ALK: variants seen among roughly 807,000 people sequenced by gnomAD.
The protein encoded by ALK is ALK receptor tyrosine kinase.
ALK carries 74 observed loss-of-function variants against 163.1 expected under a neutral mutation model. The ratio of observed to expected loss-of-function variants is 0.45; its 90% CI spans 0.38 to 0.55. ALK has a LOEUF of 0.55. Among genes scored for constraint, ALK ranks in the 20% least tolerant of loss-of-function variants. The probability of loss-of-function intolerance (pLI) is 0.00; values close to 1 mark genes in which losing one functional copy is unlikely to be tolerated. For synonymous variants in ALK, 960 were observed against 843.2 expected, an observed-to-expected ratio of 1.14 and a Z score of -2.40; for missense variants, 2,063 against 2,105.3, an observed-to-expected ratio of 0.98 and a Z score of 0.39.
intron 4 of ALK, among the ~76,000 whole-genome samples, chr2:29,423,756 A>G (rs1177793941): frequency 6.6e-6 from 1 of 152,122 alleles, no homozygotes. Context: ...GGACCCTCCT[A>G]GGAGGAGGTT....
intron 1 of ALK, among the ~76,000 whole-genome samples, chr2:29,844,998 G>A (rs761470353): frequency 2.0e-5 from 3 of 152,046 alleles, no homozygotes; most frequent in Non-Finnish European, 4.4e-5. Flanking sequence ...CGGGGCTGTC[G>A]TCTAAGGCCC....
chr2:29,320,754 G>C lies in ALK; in HGVS notation c.1543C>G (p.Gln515Glu), dbSNP rs1485228012. 6.2e-7 allele frequency: 1 copy of C among 1,613,718 alleles called. No homozygotes were observed. Among genetic ancestry groups the C allele is most frequent in the East Asian group, 2.2e-5 (1 of 44,882 alleles). ...TLKDARFQDHQDHALLLSTTD... is the reference protein window; with the variant it reads ...TLKDARFQDHEDHALLLSTTD... The stretch of plus-strand genomic sequence containing the variant: ...GAAGGCAGGAGAGCAGTAGTACCTT[G>C]GTGGTCCTGGAACCGGGCATCCTTT... Residue 515 changes from glutamine (Q) to glutamate (E), a missense_variant, in exon 7 of 29, where the codon CAA becomes GAA. Transcript: ENST00000389048.
At chr2:29,710,822 C>G (rs934463233) in intron 2 of ALK, among the ~76,000 whole-genome samples, 1 of 152,076 alleles carries the variant, frequency 6.6e-6, no homozygotes, top group Non-Finnish European at 1.5e-5. Context: ...CAACCTCAGT[C>G]TTGCTGCTAA....
intron 6 of ALK, among the ~76,000 whole-genome samples, chr2:29,322,757 C>G (rs1667103902): frequency 6.6e-6 from 1 of 152,200 alleles, no homozygotes; most frequent in South Asian, 2.1e-4. Context: ...TCACTTGAAC[C>G]CAGGAGGTGG....
intron 5 of ALK, among the ~76,000 whole-genome samples, chr2:29,328,931 C>T (rs1667357152): frequency 6.6e-6 from 1 of 152,178 alleles, no homozygotes; most frequent in Non-Finnish European, 1.5e-5. Flanking sequence ...CCAGGTTCTA[C>T]CACTGGAGTG....
chr2:29,427,058 A>AG (rs1670159063), intron 4 of ALK, among the ~76,000 whole-genome samples: 3 of 150,564 alleles, frequency 2.0e-5, no homozygotes, highest in Non-Finnish European at 4.4e-5. Flanking sequence ...AAAAAAAAAA[A>AG]AAAAAAGCTG....
intron 2 of ALK, among the ~76,000 whole-genome samples, chr2:29,699,285 G>GT (rs1490693691): frequency 6.6e-6 from 1 of 152,208 alleles, no homozygotes; most frequent in African/African-American, 2.4e-5. Flanking sequence ...TGTCCTGGGT[G>GT]TTTTCCTTCC....
rs530756786 is a variant in ALK at position 29,417,605 on chromosome 2, G to A, written c.1155-33746C>T. Among the ~76,000 whole-genome samples the A allele has an allele frequency of 2.6e-5, 4 of 152,314 alleles. No individual in the cohort carries two copies. In the South Asian group the frequency reaches 8.3e-4, roughly 32 times the overall value. ...TTGCCCGAGATCACATGGCTAGTGA[G>A]TGAAAGGATATGTTTATTCCAAGGC... On this transcript the variant is annotated intron_variant, in intron 4 of 28. Coordinates refer to ENST00000389048, the MANE Select transcript of ALK (RefSeq NM_004304.5).
At chr2:29,577,514 C>T (rs897294951) in intron 3 of ALK, among the ~76,000 whole-genome samples, 4 of 151,980 alleles carry the variant, frequency 2.6e-5, no homozygotes, top group South Asian at 2.1e-4. Context: ...GGGATGGGAC[C>T]GGTAAGTCTA....
intron 4 of ALK, among the ~76,000 whole-genome samples, chr2:29,524,898 GATGGATGGATAGGTGGGTAGATGGGATGT>G (rs1672917241): frequency 6.6e-6 from 1 of 151,970 alleles, no homozygotes; most frequent in Admixed American, 6.6e-5. Flanking sequence ...TGGGTAGATG[GATGGATGGATAGGTGGGTAGATGGGATGT>G]ATGGATGGAT....
chr2:29,228,234 C>G (rs1664072221), intron 16 of ALK, among the ~76,000 whole-genome samples: 1 of 152,186 alleles, frequency 6.6e-6, no homozygotes, highest in African/African-American at 2.4e-5. Context: ...CACACAGCGT[C>G]AATGCAAAAC....
chr2:29,309,750 C>G (rs967105529), intron 8 of ALK, among the ~76,000 whole-genome samples: 1 of 151,504 alleles, frequency 6.6e-6, no homozygotes, highest in African/African-American at 2.4e-5. Context: ...GGGGGTGGGG[C>G]TGCACAATTA....
At chr2:29,394,302 C>G (rs1239169573) in intron 4 of ALK, among the ~76,000 whole-genome samples, 2 of 140,718 alleles carry the variant, frequency 1.4e-5, no homozygotes, top group Non-Finnish European at 3.1e-5. Context: ...GGAAAAAACA[C>G]TGATTATCCA....
At chr2:29,304,623 G>GCATCAA (rs1452241459) in intron 8 of ALK, among the ~76,000 whole-genome samples, 2 of 152,170 alleles carry the variant, frequency 1.3e-5, no homozygotes, top group East Asian at 3.9e-4. Context: ...CCTGCCCTTT[G>GCATCAA]CATCAACATT....
intron 1 of ALK, among the ~76,000 whole-genome samples, chr2:29,790,332 C>T (rs897343215): frequency 2.0e-5 from 3 of 152,060 alleles, no homozygotes; most frequent in Non-Finnish European, 2.9e-5. Context: ...CCTCCAAGAG[C>T]CATGTCTATG....
At chr2:29,591,437 C>T (rs985376247) in intron 3 of ALK, among the ~76,000 whole-genome samples, 1 of 152,168 alleles carries the variant, frequency 6.6e-6, no homozygotes, top group African/African-American at 2.4e-5. Flanking sequence ...GAAAGCAAGA[C>T]AGAGGGCTGG....
At chr2:29,658,227 A>G (rs1370806681) in intron 3 of ALK, among the ~76,000 whole-genome samples, 1 of 152,194 alleles carries the variant, frequency 6.6e-6, no homozygotes, top group Non-Finnish European at 1.5e-5. Flanking sequence ...GCAGTGTAAT[A>G]TGGTACAATG....
intron 4 of ALK, among the ~76,000 whole-genome samples, chr2:29,420,674 G>A (rs565233979): frequency 2.0e-5 from 3 of 151,644 alleles, no homozygotes; most frequent in South Asian, 4.2e-4. Flanking sequence ...TCCTCTGTGC[G>A]GATGAATAAG....
intron 4 of ALK, among the ~76,000 whole-genome samples, chr2:29,497,920 A>G (rs1435594009): frequency 6.6e-6 from 1 of 152,218 alleles, no homozygotes; most frequent in Non-Finnish European, 1.5e-5. Context: ...TCCAAAAGAT[A>G]CAAAACTAAT....
Sources: gnomAD v4.1 joint callset for allele counts (sites outside exome capture counted in the v4.1 genomes callset) on GRCh38, gnomAD v4.1.1 for gene constraint, MANE v1.5 for transcripts, NCBI Gene and HGNC (gene_info 2026-07-23, HGNC 2026-07-21) for gene names.